RNF6: variants seen among roughly 807,000 people sequenced by gnomAD.
RNF6 encodes ring finger protein 6, also known as E3 ubiquitin-protein ligase RNF6.
A neutral mutation model predicts 50.1 loss-of-function variants in RNF6; 21 were observed. The ratio of observed to expected loss-of-function variants is 0.42; its 90% CI spans 0.30 to 0.60. The LOEUF (loss-of-function observed/expected upper bound fraction) is 0.60. Among genes scored for constraint, RNF6 ranks in the 20% least tolerant of loss-of-function variants. The probability of loss-of-function intolerance (pLI) is 0.20; values close to 1 mark genes in which losing one functional copy is unlikely to be tolerated. For synonymous variants in RNF6, 255 were observed against 291.8 expected, an observed-to-expected ratio of 0.87 and a Z score of 1.29; for missense variants, 698 against 838.2, an observed-to-expected ratio of 0.83 and a Z score of 2.07.
chr13:26,147,517 TG>T (rs1161366770), intron 5 of RNF6, among the ~76,000 whole-genome samples: 1 of 152,172 alleles, frequency 6.6e-6, no homozygotes. Flanking sequence ...GCTGCTTCTA[TG>T]AGGTAGGGGT....
chr13:26,194,554 T>C (rs995478316), intron 5 of RNF6, among the ~76,000 whole-genome samples: 28 of 152,134 alleles, frequency 1.8e-4, no homozygotes, highest in African/African-American at 6.3e-4. Flanking sequence ...TGTCCAGGTA[T>C]CAAGAAAAAA....
chr13:26,200,682 G>A (rs1267554993), intron 5 of RNF6, among the ~76,000 whole-genome samples: 1 of 152,204 alleles, frequency 6.6e-6, no homozygotes, highest in Non-Finnish European at 1.5e-5. Context: ...TGGGATTACA[G>A]GCGTGAGCCA....
At chr13:26,194,209 A>C (rs1337136217) in intron 5 of RNF6, among the ~76,000 whole-genome samples, 1 of 152,188 alleles carries the variant, frequency 6.6e-6, no homozygotes, top group African/African-American at 2.4e-5. Flanking sequence ...GTGAGCATCA[A>C]ATTAAATTTT....
rs371223238 is a variant in RNF6 at position 26,214,183 on chromosome 13, C to T, written c.1699G>A (p.Gly567Ser). 20 of 1,614,186 alleles carry T rather than the reference C, an allele frequency of 1.2e-5. No individual in the cohort carries two copies. The African/African-American group carries it at 2.3e-4, about 18-fold the overall frequency. Residue 567 changes from glycine to serine, a missense_variant, in exon 5 of 5, where the codon GGT becomes AGT. Coordinates refer to ENST00000381588, the MANE Select transcript of RNF6 (RefSeq NM_005977.4). ...QPHTRNSDSR[G>S]GRQLRNPNNL... is the part of the protein sequence containing the mutation. ...TTTGGATTTCGCAACTGCCTGCCACCCCTACTGTCACTGTTTCGAGTATGA... is the reference window on the plus strand; with the variant it reads ...TTTGGATTTCGCAACTGCCTGCCACTCCTACTGTCACTGTTTCGAGTATGA...
chr13:26,145,989 A>C (rs2137568434), intron 5 of RNF6, among the ~76,000 whole-genome samples: 1 of 152,118 alleles, frequency 6.6e-6, no homozygotes, highest in African/African-American at 2.4e-5. Flanking sequence ...CTAGACAAAA[A>C]CTCCATTGAT....
chr13:26,165,839 C>T (rs575341244), intron 5 of RNF6, among the ~76,000 whole-genome samples: 22 of 152,282 alleles, frequency 1.4e-4, no homozygotes, highest in African/African-American at 3.1e-4. Flanking sequence ...TTTACTGGCT[C>T]GTAGGCAGGA....
chr13:26,168,569 G>T (rs945278107), intron 5 of RNF6, among the ~76,000 whole-genome samples: 5 of 152,186 alleles, frequency 3.3e-5, no homozygotes, highest in African/African-American at 7.2e-5. Flanking sequence ...TACAGGGGTT[G>T]TTTACGTAAA....
intron 5 of RNF6, among the ~76,000 whole-genome samples, chr13:26,161,547 C>T (rs1490707130): frequency 1.3e-5 from 2 of 152,050 alleles, no homozygotes; most frequent in Non-Finnish European, 2.9e-5. Context: ...TGCTTTTTCC[C>T]CTAGGGTACT....
chr13:26,152,965 C>T (rs774447465), intron 5 of RNF6, among the ~76,000 whole-genome samples: 3 of 151,850 alleles, frequency 2.0e-5, no homozygotes, highest in East Asian at 1.9e-4. Context: ...CCAGCCTGAC[C>T]AACATGGCAA....
rs1161186314 is a variant in RNF6, at chr13:26,174,373, G to A, written n.768+41101C>T. Among the ~76,000 whole-genome samples, 5 of 152,062 alleles carry A rather than the reference G, an allele frequency of 3.3e-5. No individual in the cohort carries two copies. In the East Asian group the frequency reaches 9.7e-4, roughly 29 times the overall value. On this transcript the variant is annotated intron_variant and non_coding_transcript_variant, in intron 5 of 5. Transcript: ENST00000468480. ...AAGGGACAGCAAACTGAAATAGGCTGGGCACGGTGGCTCACACCTGTAATC... is the reference window on the plus strand; with the variant it reads ...AAGGGACAGCAAACTGAAATAGGCTAGGCACGGTGGCTCACACCTGTAATC...
At chr13:26,165,174 T>G (rs1443302695) in intron 5 of RNF6, among the ~76,000 whole-genome samples, 2 of 152,228 alleles carry the variant, frequency 1.3e-5, no homozygotes, top group South Asian at 4.1e-4. Flanking sequence ...GGGGCCAACG[T>G]AGAACTTGGG....
chr13:26,185,979 C>G (rs1329857537), intron 5 of RNF6, among the ~76,000 whole-genome samples: 1 of 152,114 alleles, frequency 6.6e-6, no homozygotes, highest in African/African-American at 2.4e-5. Context: ...GAGCCATAGC[C>G]CCTCCCACCC....
intron 5 of RNF6, among the ~76,000 whole-genome samples, chr13:26,166,629 T>C (rs2137622138): frequency 6.6e-6 from 1 of 152,250 alleles, no homozygotes; most frequent in African/African-American, 2.4e-5. Context: ...ATAAAATACC[T>C]AGGAATACAG....
At chr13:26,162,148 A>G (rs529997162) in intron 5 of RNF6, among the ~76,000 whole-genome samples, 2 of 152,268 alleles carry the variant, frequency 1.3e-5, no homozygotes, top group Admixed American at 1.3e-4. Context: ...TGCCTTTGAT[A>G]TAAAAACTAA....
At chr13:26,177,384 G>C (rs1873008153) in intron 5 of RNF6, among the ~76,000 whole-genome samples, 1 of 152,164 alleles carries the variant, frequency 6.6e-6, no homozygotes, top group Non-Finnish European at 1.5e-5. Context: ...AGATCTAGTG[G>C]ATTCTTCATA....
chr13:26,159,355 T>C (rs1872091760), intron 5 of RNF6, among the ~76,000 whole-genome samples: 1 of 152,164 alleles, frequency 6.6e-6, no homozygotes, highest in African/African-American at 2.4e-5. Context: ...CCGGGTGCGG[T>C]GGCTCACGCC....
At chr13:26,153,833 G>A (rs1871763048) in intron 5 of RNF6, among the ~76,000 whole-genome samples, 1 of 152,166 alleles carries the variant, frequency 6.6e-6, no homozygotes, top group Non-Finnish European at 1.5e-5. Context: ...TCTCGATCAG[G>A]ATGAACTGCG....
At chr13:26,180,562 A>G (rs192451981) in intron 5 of RNF6, among the ~76,000 whole-genome samples, 18 of 152,346 alleles carry the variant, frequency 1.2e-4, no homozygotes, top group African/African-American at 4.1e-4. Flanking sequence ...TGACTGGTTT[A>G]GCCATGAGTT....
At chr13:26,173,873 C>A (rs1310485856) in intron 5 of RNF6, among the ~76,000 whole-genome samples, 1 of 143,640 alleles carries the variant, frequency 7.0e-6, no homozygotes, top group East Asian at 2.1e-4. Flanking sequence ...ATCACTTGAA[C>A]TGGGGAGTCA....
Sources: gnomAD v4.1 joint callset for allele counts (sites outside exome capture counted in the v4.1 genomes callset) on GRCh38, gnomAD v4.1.1 for gene constraint, MANE v1.5 for transcripts, NCBI Gene and HGNC (gene_info 2026-07-23, HGNC 2026-07-21) for gene names.